HDDC2: variants seen among roughly 807,000 people sequenced by gnomAD.
HDDC2 encodes the protein HD domain containing 2, also known as 5'-deoxynucleotidase HDDC2.
Under a neutral mutation model 25.5 loss-of-function variants are expected in HDDC2, and 25 were observed. That is an observed-to-expected ratio of 0.98 (90% CI 0.72 to 1.37). The LOEUF (loss-of-function observed/expected upper bound fraction) is 1.37. HDDC2 is among the 40% of genes most tolerant of loss of function. The pLI is 0.00. For missense variants in HDDC2, 264 were observed against 253.1 expected (o/e 1.04, Z -0.29); for synonymous variants, 106 against 89.7 (o/e 1.18, Z -1.03).
At chr6:125,277,432 C>T (rs1292713463) in intron 4 of HDDC2, 192 bp from the exon 5 acceptor site, 4 of 531,968 alleles carry the variant, frequency 7.5e-6, no homozygotes, top group Admixed American at 6.9e-5. Context: ...GGACTCTATA[C>T]AAGAAAGATG....
In HDDC2 at chr6:125,298,759, TGC is replaced by T. The variant is rs771743959; in HGVS notation, c.262_263del (p.Ala88ThrfsTer4). ...DMAECIVGDIAPADNIPKEEK... is the reference protein window; with the variant it reads ...DMAECIVGDIXPADNIPKEEK... ...CTTCTTTGGGGATGTTATCTGCTGG[TGC>T]TATGTCCCCAACGATGCATTCTGCC... On this transcript the variant is annotated frameshift_variant, in exon 3 of 6. Transcript: ENST00000398153. LOFTEE classifies it high-confidence loss of function. 29 of 1,614,168 alleles carry T rather than the reference TGC, an allele frequency of 1.8e-5. No homozygotes were observed. Among genetic ancestry groups the T allele is most frequent in the Non-Finnish European group, 2.4e-5 (28 of 1,180,010 alleles).
At chr6:125,278,596 G>A (rs1365771690) in intron 4 of HDDC2, 1 of 152,254 alleles carries the variant, frequency 6.6e-6, no homozygotes, top group Non-Finnish European at 1.5e-5. Flanking sequence ...AGAACTCTAG[G>A]GGTGAGAAGA....
chr6:125,281,252 A>T (rs555307561), intron 4 of HDDC2, among the ~76,000 whole-genome samples: 1 of 152,358 alleles, frequency 6.6e-6, no homozygotes, highest in African/African-American at 2.4e-5. Flanking sequence ...GATGAGGAAA[A>T]AACAGCGCAA....
Position 125,300,581 on chromosome 6 carries a change from C to G in HDDC2, c.163G>C (p.Val55Leu), listed in dbSNP as rs557610087. The change falls in exon 2 of 6, where the codon GTT becomes CTT. Residue 55 changes from valine (V) to leucine (L), a missense_variant. Coordinates refer to ENST00000398153, the MANE Select transcript of HDDC2 (RefSeq NM_016063.3). ...SVSDHMYRMAVMAMVIKDDRL... is the reference protein window; with the variant it reads ...SVSDHMYRMALMAMVIKDDRL... The stretch of plus-strand genomic sequence containing the variant: ...TCATCTTTGATCACCATAGCCATAA[C>G]TGCCATCCGGTACATGTGATCTGAA... The G allele has an allele frequency of 6.2e-7, 1 of 1,614,078 alleles. No homozygotes were observed. Among genetic ancestry groups the G allele is most frequent in the Non-Finnish European group, 8.5e-7 (1 of 1,180,032 alleles).
At position 125,276,263 on chromosome 6, in the gene HDDC2, G is replaced by A. The variant is rs1798368064; in HGVS notation, c.518-20C>T. Reference sequence around the variant, plus strand: ...ATTTTCCTGCAAAGCAAAAGAACAGGGAAAAATACATTCCCATATTGACAA... The same window carrying A: ...ATTTTCCTGCAAAGCAAAAGAACAGAGAAAAATACATTCCCATATTGACAA... On this transcript the variant is annotated intron_variant, in intron 5 of 5. Transcript: ENST00000398153. The A allele has an allele frequency of 6.4e-7, 1 of 1,554,656 alleles. No homozygotes were observed.
intron 4 of HDDC2, among the ~76,000 whole-genome samples, chr6:125,289,952 G>GT (rs773257266): frequency 6.6e-6 from 1 of 152,156 alleles, no homozygotes; most frequent in Non-Finnish European, 1.5e-5. Flanking sequence ...AAATAAAAAT[G>GT]TTTTTTCTTG....
intron 3 of HDDC2, among the ~76,000 whole-genome samples, chr6:125,298,151 G>C (rs1473434909): frequency 6.6e-6 from 1 of 152,036 alleles, no homozygotes; most frequent in Admixed American, 6.6e-5. Flanking sequence ...CTTACTATCA[G>C]GGTGACAGGA....
At chr6:125,277,015 A>C in intron 5 of HDDC2, 87 bp downstream of exon 5, 4 of 1,346,138 alleles carry the variant, frequency 3.0e-6, no homozygotes, top group Non-Finnish European at 4.2e-6. Context: ...GAAGGTACCA[A>C]CAGTGGGTTT....
chr6:125,294,197 A>T (rs1382515540), intron 3 of HDDC2, among the ~76,000 whole-genome samples: 1 of 152,242 alleles, frequency 6.6e-6, no homozygotes, highest in Non-Finnish European at 1.5e-5. Flanking sequence ...CATTTTTGGC[A>T]ATATAAAGGT....
chr6:125,300,451 G>A lies in HDDC2; in HGVS notation c.206+87C>T, dbSNP rs531040342. 8.5e-5 allele frequency: 125 copies of A among 1,469,542 alleles called. 4 individuals carry two copies. The South Asian group carries it at 1.6e-3, about 19-fold the overall frequency. The allele number at this position is 1,469,542 out of a possible 1,614,324, so 91.0% of individuals were successfully genotyped here. On this transcript the variant is annotated intron_variant, in intron 2 of 5. Coordinates refer to ENST00000398153, the MANE Select transcript of HDDC2 (RefSeq NM_016063.3). Reference sequence around the variant, plus strand: ...TCTTGACCTATAAACTAACCTACAAGGATTTGACATGGGTCTCAGTAGTAA... The same window carrying A: ...TCTTGACCTATAAACTAACCTACAAAGATTTGACATGGGTCTCAGTAGTAA...
chr6:125,298,469 A>T (rs1798739108), intron 3 of HDDC2, among the ~76,000 whole-genome samples: 1 of 152,156 alleles, frequency 6.6e-6, no homozygotes, highest in Non-Finnish European at 1.5e-5. Context: ...TACCAATCTA[A>T]ATCTATTATA....
chr6:125,277,458 G>T, intron 4 of HDDC2: 1 of 455,256 alleles, frequency 2.2e-6, no homozygotes, highest in Non-Finnish European at 3.9e-6. Context: ...TCCATTCTAA[G>T]TATTCTACCA....
intron 4 of HDDC2, among the ~76,000 whole-genome samples, chr6:125,287,981 T>C (rs1798568234): frequency 6.6e-6 from 1 of 152,118 alleles, no homozygotes; most frequent in African/African-American, 2.4e-5. Context: ...CTGGTGGGCC[T>C]GTCAGTCACA....
chr6:125,296,633 C>T (rs907723066), intron 3 of HDDC2, among the ~76,000 whole-genome samples: 5 of 152,200 alleles, frequency 3.3e-5, no homozygotes, highest in Non-Finnish European at 7.3e-5. Flanking sequence ...TGTCCAAGAA[C>T]TTGTGGTTCT....
chr6:125,301,658 C>CCGGCTGCTTCCTCCGTCCACCGT (rs1798808809), intron 1 of HDDC2, among the ~76,000 whole-genome samples, 191 bp downstream of exon 1: 2 of 152,194 alleles, frequency 1.3e-5, no homozygotes, highest in Non-Finnish European at 2.9e-5. Context: ...GCCTGTCCCG[C>CCGGCTGCTTCCTCCGTCCACCGT]CGGCTGCTTC....
intron 4 of HDDC2, among the ~76,000 whole-genome samples, chr6:125,289,645 G>A (rs1410737511): frequency 6.6e-6 from 1 of 152,124 alleles, no homozygotes; most frequent in African/African-American, 2.4e-5. Context: ...TCCCTCCAGG[G>A]TTCTGGGGTC....
chr6:125,276,340 G>A (rs1562431851), intron 5 of HDDC2, 97 bp from the exon 6 acceptor site: 1 of 868,624 alleles, frequency 1.2e-6, no homozygotes, highest in African/African-American at 1.7e-5. Flanking sequence ...GGGGGCTCTA[G>A]TCTACGATCT....
intron 4 of HDDC2, among the ~76,000 whole-genome samples, chr6:125,281,250 A>G (rs1208878346): frequency 6.6e-6 from 1 of 152,250 alleles, no homozygotes; most frequent in Non-Finnish European, 1.5e-5. Context: ...AAGATGAGGA[A>G]AAAACAGCGC....
chr6:125,297,358 C>T (rs1244126170), intron 3 of HDDC2: 3 of 387,830 alleles, frequency 7.7e-6, no homozygotes, highest in Admixed American at 4.5e-5. Context: ...TCTTGGTCAG[C>T]CTGTATCTTG....
Sources: gnomAD v4.1 joint callset for allele counts (sites outside exome capture counted in the v4.1 genomes callset) on GRCh38, gnomAD v4.1.1 for gene constraint, MANE v1.5 for transcripts, NCBI Gene and HGNC (gene_info 2026-07-23, HGNC 2026-07-21) for gene names.